KIF18A: variants seen among roughly 807,000 people sequenced by gnomAD.
The protein encoded by KIF18A is kinesin-like protein KIF18A.
In KIF18A, 67 loss-of-function variants were observed where a neutral mutation model predicts 103.3. The ratio of observed to expected loss-of-function variants is 0.65; its 90% CI spans 0.53 to 0.79. KIF18A has a LOEUF of 0.79. Among genes scored for constraint, KIF18A ranks in the 30% least tolerant of loss-of-function variants. The pLI is 0.00. For synonymous variants in KIF18A, 367 were observed against 355.5 expected, an observed-to-expected ratio of 1.03 and a Z score of -0.36; for missense variants, 1,032 against 1,062.5, an observed-to-expected ratio of 0.97 and a Z score of 0.40.
At chr11:28,056,054 C>T (rs1001491136) in intron 13 of KIF18A, among the ~76,000 whole-genome samples, 71 of 151,908 alleles carry the variant, frequency 4.7e-4, no homozygotes, top group Admixed American at 4.2e-3. Flanking sequence ...AGATTACTTA[C>T]AATACCTAAT....
chr11:28,062,394 CGCTTCAGTCTGCCTGT>C lies in KIF18A; in HGVS notation c.1697_1712del (p.His566GlnfsTer3). 6.2e-7 allele frequency: 1 copy of C among 1,604,742 alleles called. No individual in the cohort carries two copies. The highest frequency in any genetic ancestry group is 8.5e-7 in the Non-Finnish European group (1 of 1,175,442). ...GAAAATAGGTAAATGTATGTACTCA[CGCTTCAGTCTGCCTGT>C]GTTGCTGTTCCTGAAGACAAGCTAG... On this transcript the variant is annotated frameshift_variant and splice_region_variant, in exon 12 of 17. Coordinates refer to ENST00000263181, the MANE Select transcript of KIF18A (RefSeq NM_031217.4). LOFTEE classifies it high-confidence loss of function.
chr11:28,036,248 G>T lies in KIF18A; in HGVS notation c.2365C>A (p.Leu789Ile), dbSNP rs1850487235. The change falls in exon 14 of 17, where the codon CTA becomes ATA. Residue 789 changes from leucine (L) to isoleucine (I), a missense_variant. Physicochemically the swap from Leu to Ile is conservative, Grantham distance 5. Coordinates refer to ENST00000263181, the MANE Select transcript of KIF18A (RefSeq NM_031217.4). ...AAAATGTCTTTGTTATCATTTGGTA[G>T]TGATTCTTGTTCGGGTAATTTACAC... is the stretch of plus-strand genomic sequence containing the variant. ...SKCKLPEQES[L>I]PNDNKDILQR... 2 of 1,601,684 alleles carry T rather than the reference G, an allele frequency of 1.2e-6. No individual in the cohort carries two copies. Among genetic ancestry groups the T allele is most frequent in the Non-Finnish European group, 1.7e-6 (2 of 1,173,776 alleles).
chr11:28,082,083 C>G (rs1030029995), intron 9 of KIF18A, among the ~76,000 whole-genome samples: 1 of 152,072 alleles, frequency 6.6e-6, no homozygotes, highest in Non-Finnish European at 1.5e-5. Context: ...AAATGAAGAG[C>G]TGCTTCTATG....
At chr11:28,073,686 C>T (rs936809775) in intron 10 of KIF18A, among the ~76,000 whole-genome samples, 2 of 152,086 alleles carry the variant, frequency 1.3e-5, no homozygotes, top group South Asian at 2.1e-4. Flanking sequence ...AAATAGCGTT[C>T]AATATCAGCT....
intron 10 of KIF18A, among the ~76,000 whole-genome samples, chr11:28,072,077 T>C (rs950873547): frequency 1.2e-4 from 18 of 152,124 alleles, no homozygotes; most frequent in Admixed American, 1.1e-3. Flanking sequence ...CCACCACCCA[T>C]TGCTCTAAAA....
rs772382305 is a variant in KIF18A at position 28,062,391 on chromosome 11, T to A, written c.1712+4A>T. On this transcript the variant is annotated splice_donor_region_variant and intron_variant, in intron 12 of 16. Transcript: ENST00000263181. ...TTGGAAAATAGGTAAATGTATGTAC[T>A]CACGCTTCAGTCTGCCTGTGTTGCT... 1.9e-6 allele frequency: 3 copies of A among 1,603,738 alleles called. No individual in the cohort carries two copies. The highest frequency in any genetic ancestry group is 2.6e-6 in the Non-Finnish European group (3 of 1,175,078).
chr11:28,057,834 A>C (rs566533377), intron 13 of KIF18A, among the ~76,000 whole-genome samples: 2 of 152,252 alleles, frequency 1.3e-5, no homozygotes, highest in Admixed American at 6.5e-5. Flanking sequence ...AAAAACAATA[A>C]AAAAATGAGG....
At chr11:28,088,050 G>T (rs941705020) in intron 6 of KIF18A, among the ~76,000 whole-genome samples, 1 of 151,300 alleles carries the variant, frequency 6.6e-6, no homozygotes, top group African/African-American at 2.4e-5. Flanking sequence ...ACCTTATTAG[G>T]TGATTTCATG....
intron 10 of KIF18A, among the ~76,000 whole-genome samples, chr11:28,070,279 T>C (rs1359941745): frequency 2.0e-5 from 3 of 152,146 alleles, no homozygotes; most frequent in South Asian, 4.1e-4. Context: ...GGGAGATAAA[T>C]ATCTCTTAAT....
In KIF18A at chr11:28,069,319, A is replaced by G; in HGVS notation, c.1530T>C (p.Asn510=). The G allele has an allele frequency of 1.2e-6, 2 of 1,613,616 alleles. No individual in the cohort carries two copies. Among genetic ancestry groups the G allele is most frequent in the Non-Finnish European group, 1.7e-6 (2 of 1,179,698 alleles). ...TTTCTTTTTCGACACGATGGAGCCA[A>G]TTAGTATTCTCATCAAATTGCTTCA... ...EELKQFDENT[N]WLHRVEKEMG... is the part of the protein sequence containing the mutation. The change falls in exon 11 of 17, where the codon AAT becomes AAC. Residue 510 remains asparagine, a synonymous_variant. Transcript: ENST00000263181.
chr11:28,043,361 T>C lies in KIF18A; in HGVS notation c.1949-6697A>G, dbSNP rs146544298. On this transcript the variant is annotated intron_variant, in intron 13 of 16. Coordinates refer to ENST00000263181, the MANE Select transcript of KIF18A (RefSeq NM_031217.4). ...TGGACAGGAATATATTTTTTCCCCT[T>C]AATTTTACAGGAAAAAACATAATTA... is the stretch of plus-strand genomic sequence containing the variant. 2.7e-3 allele frequency among the ~76,000 whole-genome samples: 404 copies of C among 151,986 alleles called. 9 individuals carry two copies. Among genetic ancestry groups the C allele is most frequent in the Admixed American group, 0.022 (341 of 15,196 alleles).
chr11:28,074,590 T>C (rs1183350523), intron 10 of KIF18A, among the ~76,000 whole-genome samples: 1 of 152,196 alleles, frequency 6.6e-6, no homozygotes, highest in Non-Finnish European at 1.5e-5. Context: ...GTATCAATGA[T>C]ACATTACTGA....
intron 13 of KIF18A, among the ~76,000 whole-genome samples, chr11:28,053,281 T>A (rs1385058902): frequency 6.6e-6 from 1 of 152,152 alleles, no homozygotes; most frequent in Non-Finnish European, 1.5e-5. Context: ...AGATCTACTT[T>A]TTTTTGTTTT....
At chr11:28,086,054 T>A (rs974818461) in intron 6 of KIF18A, among the ~76,000 whole-genome samples, 3 of 152,200 alleles carry the variant, frequency 2.0e-5, no homozygotes, top group Admixed American at 6.5e-5. Flanking sequence ...TTGTGATATA[T>A]GTACCATATT....
Position 28,058,971 on chromosome 11 carries a change from G to T in KIF18A, c.1903C>A (p.Leu635Ile). The T allele has an allele frequency of 1.2e-6, 2 of 1,614,056 alleles. No individual in the cohort carries two copies. The highest frequency in any genetic ancestry group is 1.7e-6 in the Non-Finnish European group (2 of 1,179,968). The change falls in exon 13 of 17, where the codon CTT becomes ATT. Residue 635 changes from leucine to isoleucine, a missense_variant. Leu to Ile is a conservative substitution (Grantham distance 5). Transcript: ENST00000263181. ...KQNDLPGISV[L>I]MTFPQLGPVQ... ...GGTCCAAGTTGTGGAAAGGTCATAAGAACAGAAATCCCTGGTAGATCGTTT... is the reference window on the plus strand; with the variant it reads ...GGTCCAAGTTGTGGAAAGGTCATAATAACAGAAATCCCTGGTAGATCGTTT...
chr11:28,052,325 G>A (rs376558922), intron 13 of KIF18A, among the ~76,000 whole-genome samples: 22 of 152,188 alleles, frequency 1.4e-4, no homozygotes, highest in African/African-American at 5.1e-4. Context: ...ATTAAGTCCT[G>A]ATAGTAACCT....
intron 13 of KIF18A, among the ~76,000 whole-genome samples, chr11:28,049,786 C>T (rs1244285650): frequency 3.3e-5 from 5 of 151,934 alleles, no homozygotes; most frequent in Non-Finnish European, 1.5e-5. Flanking sequence ...TTAGTGTACT[C>T]ATCATAAATC....
At chr11:28,065,679 T>C (rs1416414345) in intron 11 of KIF18A, among the ~76,000 whole-genome samples, 1 of 152,030 alleles carries the variant, frequency 6.6e-6, no homozygotes, top group Non-Finnish European at 1.5e-5. Context: ...ATTGGAAGCT[T>C]ACGGTAATGT....
chr11:28,074,243 T>G (rs981407461), intron 10 of KIF18A, among the ~76,000 whole-genome samples: 2 of 152,102 alleles, frequency 1.3e-5, no homozygotes, highest in African/African-American at 4.8e-5. Context: ...AATATGGTAC[T>G]ATTCCAGAAT....
Sources: gnomAD v4.1 joint callset for allele counts (sites outside exome capture counted in the v4.1 genomes callset) on GRCh38, gnomAD v4.1.1 for gene constraint, MANE v1.5 for transcripts, NCBI Gene and HGNC (gene_info 2026-07-23, HGNC 2026-07-21) for gene names.